Variants in TRMT11 observed in about 807,000 individuals in gnomAD.
TRMT11 encodes tRNA methyltransferase 11, also known as tRNA (guanine(10)-N(2))-methyltransferase TRMT11.
TRMT11 carries 53 observed loss-of-function variants against 62.8 expected under a neutral mutation model. That is an observed-to-expected ratio of 0.84 (90% CI 0.68 to 1.06). The LOEUF (loss-of-function observed/expected upper bound fraction) is 1.06. Ranked by LOEUF, TRMT11 falls within the 50% of genes least tolerant of loss-of-function variation. The pLI is 0.00. For synonymous variants in TRMT11, 188 were observed against 190.3 expected (o/e 0.99, Z 0.10); for missense variants, 556 against 553.4 (o/e 1.00, Z -0.05).
chr6:126,093,587 A>ATGTG (rs1481755472), intron 17 of TRMT11, among the ~76,000 whole-genome samples: 2 of 15,256 alleles, frequency 1.3e-4, no homozygotes, highest in African/African-American at 6.1e-4. Flanking sequence ...ATATGTATGT[A>ATGTG]TATATATATA....
At chr6:126,119,255 T>C (rs947885716) in intron 21 of TRMT11, among the ~76,000 whole-genome samples, 8 of 152,088 alleles carry the variant, frequency 5.3e-5, no homozygotes, top group Admixed American at 1.3e-4. Context: ...GGTCCAATTT[T>C]CCTTAAAAGT....
intron 3 of TRMT11, 26 bp downstream of exon 3, chr6:125,996,066 A>G (rs1027527631): frequency 6.9e-7 from 1 of 1,457,230 alleles, no homozygotes; most frequent in Non-Finnish European, 9.6e-7. Context: ...GTTCTCCTGC[A>G]TGAATATACT....
At chr6:126,217,445 T>C in the TRMT11 span, among the ~76,000 whole-genome samples, 1 of 152,194 alleles carries the variant, frequency 6.6e-6, no homozygotes, top group East Asian at 1.9e-4. Context: ...TGTGGCAGTA[T>C]CTGCATTGGG....
At chr6:126,120,582 A>G (rs1027885504) in intron 21 of TRMT11, among the ~76,000 whole-genome samples, 3 of 152,150 alleles carry the variant, frequency 2.0e-5, no homozygotes, top group African/African-American at 7.2e-5. Flanking sequence ...ACTTTCTCTC[A>G]TATATGAGTC....
chr6:126,220,993 A>G, the TRMT11 span, among the ~76,000 whole-genome samples: 1 of 152,032 alleles, frequency 6.6e-6, no homozygotes, highest in Admixed American at 6.6e-5. Context: ...GCTCCCACTT[A>G]TTGGTGAGAA....
In TRMT11 at chr6:126,093,602, TATATATATATATATATATA is replaced by T. The variant is rs1184139203; in HGVS notation, c.*1438-19263_*1438-19245del. 2.2e-3 allele frequency among the ~76,000 whole-genome samples: 189 copies of T among 85,388 alleles called. 9 individuals are homozygous for T. Among genetic ancestry groups the T allele is most frequent in the African/African-American group, 0.013 (184 of 14,226 alleles). The allele number at this position is 85,388 out of a possible 152,430, so 56.0% of individuals were successfully genotyped here. On this transcript the variant is annotated intron_variant and NMD_transcript_variant, in intron 17 of 22. Coordinates refer to the TRMT11 transcript ENST00000648977. ...ATATGTATGTATATATATATATATA[TATATATATATATATATATA>T]TATATATATATTTTCCCCCAGTCCT...
chr6:126,055,969 C>T (rs1172052685), intron 17 of TRMT11, among the ~76,000 whole-genome samples: 1 of 152,166 alleles, frequency 6.6e-6, no homozygotes, highest in Non-Finnish European at 1.5e-5. Flanking sequence ...TTGAGACAAC[C>T]ACTGTCACAG....
intron 17 of TRMT11, among the ~76,000 whole-genome samples, chr6:126,093,490 T>C (rs550735808): frequency 6.7e-6 from 1 of 148,458 alleles, no homozygotes; most frequent in Non-Finnish European, 1.5e-5. Flanking sequence ...TTTCTTATTA[T>C]GATTATAATA....
intron 1 of TRMT11, among the ~76,000 whole-genome samples, chr6:126,197,119 T>C (rs1415328941): frequency 6.6e-6 from 1 of 152,216 alleles, no homozygotes; most frequent in East Asian, 1.9e-4. Flanking sequence ...CAACTTTACA[T>C]GTATTTAATT....
intron 17 of TRMT11, among the ~76,000 whole-genome samples, chr6:126,084,745 A>G (rs1300753005): frequency 1.3e-5 from 2 of 152,162 alleles, no homozygotes; most frequent in Admixed American, 1.3e-4. Flanking sequence ...AATAAGAGTA[A>G]TTTTGTTTCA....
the TRMT11 span, among the ~76,000 whole-genome samples, chr6:126,240,620 C>T: frequency 6.6e-6 from 1 of 152,194 alleles, no homozygotes; most frequent in Non-Finnish European, 1.5e-5. Flanking sequence ...TCTGCCCCTA[C>T]TGGGGGGTGC....
chr6:126,152,269 T>TAA (rs398002786), intron 21 of TRMT11, among the ~76,000 whole-genome samples: 2,701 of 134,556 alleles, frequency 0.02, 72 homozygotes, highest in African/African-American at 0.068. Context: ...ACCAAATGGC[T>TAA]AAAAAAAAAA....
At chr6:126,013,216 A>G (rs1394052080) in intron 11 of TRMT11, 115 bp downstream of exon 11, 7 of 962,580 alleles carry the variant, frequency 7.3e-6, no homozygotes, top group Middle Eastern at 2.7e-4. Context: ...TTAATTTGTA[A>G]TAGCCTTTGT....
chr6:126,116,679 A>G (rs535473380), intron 21 of TRMT11, among the ~76,000 whole-genome samples: 1 of 152,206 alleles, frequency 6.6e-6, no homozygotes, highest in South Asian at 2.1e-4. Flanking sequence ...GCTTTTTCAG[A>G]ATTGTCTACT....
At chr6:126,005,209 CTTAAT>C (rs1458063317) in intron 7 of TRMT11, among the ~76,000 whole-genome samples, 5 of 152,020 alleles carry the variant, frequency 3.3e-5, no homozygotes, top group Non-Finnish European at 5.9e-5. Flanking sequence ...TGTAGCTTTA[CTTAAT>C]TTAATGTAAT....
intron 12 of TRMT11, among the ~76,000 whole-genome samples, chr6:126,025,872 G>C (rs2128009963): frequency 6.6e-6 from 1 of 152,036 alleles, no homozygotes; most frequent in South Asian, 2.1e-4. Flanking sequence ...CTGTTATAAA[G>C]TATTCTCCCT....
chr6:126,127,570 T>G (rs893847478), intron 21 of TRMT11, among the ~76,000 whole-genome samples: 2 of 152,024 alleles, frequency 1.3e-5, no homozygotes, highest in Non-Finnish European at 2.9e-5. Flanking sequence ...TTGTTACATA[T>G]GTACACATGT....
At chr6:126,159,287 G>A (rs536738128) in intron 21 of TRMT11, among the ~76,000 whole-genome samples, 1 of 152,226 alleles carries the variant, frequency 6.6e-6, no homozygotes, top group Admixed American at 6.5e-5. Flanking sequence ...ACTCTGGGCG[G>A]AGGTCTGCAA....
chr6:126,002,735 A>G (rs969436217), intron 7 of TRMT11, among the ~76,000 whole-genome samples: 2 of 152,076 alleles, frequency 1.3e-5, no homozygotes, highest in African/African-American at 2.4e-5. Context: ...ACTCAAAGAG[A>G]TGTCACTTTA....
Sources: gnomAD v4.1 joint callset for allele counts (sites outside exome capture counted in the v4.1 genomes callset) on GRCh38, gnomAD v4.1.1 for gene constraint, MANE v1.5 for transcripts, NCBI Gene and HGNC (gene_info 2026-07-23, HGNC 2026-07-21) for gene names.